ANK2: variants seen among roughly 807,000 people sequenced by gnomAD.
ANK2 encodes ankyrin-2.
ANK2 carries 83 observed loss-of-function variants against 360.5 expected under a neutral mutation model. The observed-to-expected ratio is 0.23, with a 90% CI of 0.19 to 0.28. ANK2 has a LOEUF of 0.28. Among genes scored for constraint, ANK2 ranks in the 10% least tolerant of loss-of-function variants. ANK2 has a pLI of 1.00. For missense variants in ANK2, 4,201 were observed against 4,795.7 expected, an observed-to-expected ratio of 0.88 and a Z score of 3.66; for synonymous variants, 1,740 against 1,759.5, an observed-to-expected ratio of 0.99 and a Z score of 0.28.
chr4:113,310,526 C>T (rs535443335), intron 23 of ANK2, among the ~76,000 whole-genome samples: 7 of 152,272 alleles, frequency 4.6e-5, no homozygotes, highest in South Asian at 2.1e-4. Flanking sequence ...AAGCAATTCT[C>T]CTGCCTCAGC....
At chr4:113,246,640 A>G (rs1038143849) in intron 9 of ANK2, among the ~76,000 whole-genome samples, 4 of 152,214 alleles carry the variant, frequency 2.6e-5, no homozygotes, top group African/African-American at 9.6e-5. Flanking sequence ...AAAGCAAACA[A>G]TAAAAAGTGT....
rs2096333006 is a variant in ANK2, at chr4:113,135,350, A to T, written c.85-39066A>T. 3.3e-5 allele frequency among the ~76,000 whole-genome samples: 5 copies of T among 151,800 alleles called. No homozygotes were observed. The South Asian group carries it at 1.0e-3, about 31-fold the overall frequency. On this transcript the variant is annotated intron_variant, in intron 1 of 45. Coordinates refer to ENST00000357077, the MANE Select transcript of ANK2 (RefSeq NM_001148.6). The stretch of plus-strand genomic sequence containing the variant: ...GTGACAGCTGTAAGGAGGATTAGAT[A>T]TCACGGTCAGGCAGGGATCTAGTGA...
At chr4:113,076,422 A>C (rs1580873577) in intron 1 of ANK2, among the ~76,000 whole-genome samples, 1 of 152,368 alleles carries the variant, frequency 6.6e-6, no homozygotes, top group African/African-American at 2.4e-5. Context: ...TTAGTAAACC[A>C]TAGATTGATC....
At chr4:112,942,834 T>C (rs2094324135) in intron 2 of ANK2, among the ~76,000 whole-genome samples, 1 of 152,036 alleles carries the variant, frequency 6.6e-6, no homozygotes, top group South Asian at 2.1e-4. Context: ...CTTCATAAAA[T>C]ATATTAAGAA....
the ANK2 span, among the ~76,000 whole-genome samples, chr4:112,772,001 C>T: frequency 2.0e-4 from 31 of 152,260 alleles, no homozygotes; most frequent in Admixed American, 5.9e-4. Flanking sequence ...TCAGATGGGG[C>T]TCTTGGAGCT....
At chr4:112,821,771 A>AT (rs70958489) in intron 1 of ANK2, among the ~76,000 whole-genome samples, 59,236 of 135,354 alleles carry the variant, frequency 0.44, 13,253 homozygotes, top group East Asian at 0.84. Flanking sequence ...TGAGTCATAG[A>AT]TTTTTTTTTT....
intron 2 of ANK2, among the ~76,000 whole-genome samples, chr4:112,940,753 C>G (rs892884662): frequency 3.3e-5 from 5 of 152,146 alleles, no homozygotes; most frequent in Non-Finnish European, 7.4e-5. Flanking sequence ...AATCTGTAAA[C>G]TCTTTTTTGC....
intron 1 of ANK2, among the ~76,000 whole-genome samples, chr4:113,090,802 T>C (rs2087564733): frequency 1.3e-5 from 2 of 152,226 alleles, no homozygotes; most frequent in South Asian, 4.1e-4. Context: ...TGAAGCTGAA[T>C]AGAAGTTACC....
the ANK2 span, among the ~76,000 whole-genome samples, chr4:112,806,583 G>A: frequency 0.021 from 3,266 of 152,058 alleles, 118 homozygotes; most frequent in African/African-American, 0.074. Context: ...TAATCCCAGC[G>A]CTTTGGGAGG....
At chr4:113,117,668 A>G (rs762118218) in intron 1 of ANK2, among the ~76,000 whole-genome samples, 2 of 152,078 alleles carry the variant, frequency 1.3e-5, no homozygotes, top group Non-Finnish European at 2.9e-5. Flanking sequence ...TTTTGTCTCA[A>G]TTATCTTTAT....
intron 1 of ANK2, among the ~76,000 whole-genome samples, chr4:113,112,506 C>T (rs1473710039): frequency 6.6e-6 from 1 of 152,180 alleles, no homozygotes; most frequent in Non-Finnish European, 1.5e-5. Context: ...CCTTTCCCTT[C>T]CCTCTGCCCA....
intron 2 of ANK2, among the ~76,000 whole-genome samples, chr4:113,023,463 G>T (rs1405080295): frequency 6.6e-6 from 1 of 152,146 alleles, no homozygotes; most frequent in Non-Finnish European, 1.5e-5. Context: ...GGTGCAGAGA[G>T]GTCTACTCTG....
At chr4:113,327,868 G>T (rs190266828) in intron 26 of ANK2, among the ~76,000 whole-genome samples, 21 of 152,294 alleles carry the variant, frequency 1.4e-4, no homozygotes, top group African/African-American at 4.6e-4. Flanking sequence ...AAGGAGCATA[G>T]AAACGGAACT....
chr4:112,829,018 G>A (rs568739651), intron 1 of ANK2, among the ~76,000 whole-genome samples: 5 of 152,224 alleles, frequency 3.3e-5, no homozygotes, highest in South Asian at 2.1e-4. Context: ...TTAGCCGGGC[G>A]TGGTGGCGCC....
At chr4:113,069,018 G>T (rs1176587941) in intron 1 of ANK2, among the ~76,000 whole-genome samples, 1 of 151,964 alleles carries the variant, frequency 6.6e-6, no homozygotes, top group Non-Finnish European at 1.5e-5. Context: ...AGCCATGATA[G>T]GGCTACTGCA....
At chr4:113,242,890 A>G (rs571534015) in intron 9 of ANK2, among the ~76,000 whole-genome samples, 1 of 152,314 alleles carries the variant, frequency 6.6e-6, no homozygotes, top group African/African-American at 2.4e-5. Context: ...TATTTTTACT[A>G]TTAATAAGTT....
At chr4:113,198,759 A>G (rs1431316989) in intron 3 of ANK2, among the ~76,000 whole-genome samples, 2 of 152,278 alleles carry the variant, frequency 1.3e-5, no homozygotes, top group Non-Finnish European at 2.9e-5. Flanking sequence ...TTTTTGATTC[A>G]TTGAAAATAC....
At chr4:112,906,335 T>C (rs1350749525) in intron 2 of ANK2, among the ~76,000 whole-genome samples, 1 of 152,094 alleles carries the variant, frequency 6.6e-6, no homozygotes, top group Non-Finnish European at 1.5e-5. Flanking sequence ...CAGACCGGAT[T>C]AGTTTGAGAA....
chr4:112,864,649 G>A (rs924376291), intron 1 of ANK2, among the ~76,000 whole-genome samples: 3 of 151,914 alleles, frequency 2.0e-5, no homozygotes, highest in Admixed American at 6.6e-5. Flanking sequence ...ACGTTTACTT[G>A]GTCAAAGGTG....
Sources: gnomAD v4.1 joint callset for allele counts (sites outside exome capture counted in the v4.1 genomes callset) on GRCh38, gnomAD v4.1.1 for gene constraint, MANE v1.5 for transcripts, NCBI Gene and HGNC (gene_info 2026-07-23, HGNC 2026-07-21) for gene names.